TBC1D30: variants seen among roughly 807,000 people sequenced by gnomAD.
TBC1D30 encodes TBC1 domain family, member 30.
A neutral mutation model predicts 63.2 loss-of-function variants in TBC1D30; 31 were observed. The observed-to-expected ratio is 0.49, with a 90% CI of 0.37 to 0.66. The LOEUF (loss-of-function observed/expected upper bound fraction) is 0.66, where lower values mean the gene tolerates loss of function less well. Among genes scored for constraint, TBC1D30 ranks in the 30% least tolerant of loss-of-function variants. The pLI, the probability that TBC1D30 is intolerant of heterozygous loss-of-function variation, is 0.00. For synonymous variants in TBC1D30, 307 were observed against 361.5 expected, an observed-to-expected ratio of 0.85 and a Z score of 1.71; for missense variants, 810 against 953.6, an observed-to-expected ratio of 0.85 and a Z score of 1.98.
Position 64,875,187 on chromosome 12 carries a change from A to G in TBC1D30, c.1685A>G (p.Asn562Ser), listed in dbSNP as rs1235598399. Residue 562 changes from asparagine (N) to serine (S), a missense_variant, in exon 12 of 12, where the codon AAC becomes AGC. By Grantham distance (46) the Asn-to-Ser change is conservative. Coordinates refer to ENST00000539867, the MANE Select transcript of TBC1D30 (RefSeq NM_015279.2). Reference protein sequence around the residue: ...VPYEDLKTKLNSPWRTHIRVH... With the variant: ...VPYEDLKTKLSSPWRTHIRVH... ...TACGAAGACCTTAAGACGAAGCTCA[A>G]CTCCCCGTGGCGAACTCACATCCGA... 3.9e-5 allele frequency: 60 copies of G among 1,536,046 alleles called. No homozygotes were observed. Among genetic ancestry groups the G allele is most frequent in the Admixed American group, 7.8e-5 (4 of 50,966 alleles).
chr12:64,856,535 G>A (rs1208119991), intron 8 of TBC1D30, among the ~76,000 whole-genome samples: 12 of 152,150 alleles, frequency 7.9e-5, no homozygotes, highest in Non-Finnish European at 1.5e-4. Flanking sequence ...TGAAACATGT[G>A]GAGTCTCTTT....
intron 2 of TBC1D30, among the ~76,000 whole-genome samples, chr12:64,797,670 A>G (rs921582625): frequency 2.0e-5 from 3 of 151,598 alleles, no homozygotes; most frequent in South Asian, 2.1e-4. Context: ...TTTACATCCT[A>G]TTTTCTCCCC....
chr12:64,787,232 G>T (rs1347407536), intron 2 of TBC1D30: 1 of 234,180 alleles, frequency 4.3e-6, no homozygotes, highest in Non-Finnish European at 7.0e-6. Context: ...TTGTTAAATT[G>T]CTGATACACA....
intron 2 of TBC1D30, among the ~76,000 whole-genome samples, chr12:64,787,826 A>G (rs550403087): frequency 6.6e-6 from 1 of 152,318 alleles, no homozygotes; most frequent in East Asian, 1.9e-4. Context: ...ACCTGAGGTT[A>G]GGAGTTCGAG....
chr12:64,836,514 G>A lies in TBC1D30; in HGVS notation c.619G>A (p.Val207Ile), dbSNP rs762222975. Residue 207 changes from valine (V) to isoleucine (I), a missense_variant, in exon 6 of 12, where the codon GTA becomes ATA. Around this residue, in one of 4 missense-constraint regions of TBC1D30, gnomAD observed 272 missense variants for 335.9 expected, o/e 0.81. Coordinates refer to ENST00000539867, the MANE Select transcript of TBC1D30 (RefSeq NM_015279.2). ...GATTATGATTTACCTTATTGATAAG[G>A]TACTTCCCGAAAGCTATTTCGTCAA... ...LKIMIYLIDK[V>I]LPESYFVNNL... is the part of the protein sequence containing the mutation. 13 of 1,535,254 alleles carry A rather than the reference G, an allele frequency of 8.5e-6. No individual in the cohort carries two copies. Among genetic ancestry groups the A allele is most frequent in the Non-Finnish European group, 1.1e-5 (13 of 1,146,576 alleles).
Position 64,839,724 on chromosome 12 carries a change from C to T in TBC1D30, c.932+873C>T, listed in dbSNP as rs778376056. Among the ~76,000 whole-genome samples, 62 of 152,060 alleles carry T rather than the reference C, an allele frequency of 4.1e-4. 1 individual carries two copies. Among genetic ancestry groups the T allele is most frequent in the Non-Finnish European group, 1.6e-4 (11 of 68,014 alleles). On this transcript the variant is annotated intron_variant, in intron 7 of 11. Transcript: ENST00000539867. ...TTGCAAAGAAAGATCCACCAACTAT[C>T]GGCCGAGCGCGGTAGCTCACGCCTA... is the stretch of plus-strand genomic sequence containing the variant.
chr12:64,858,273 T>C (rs919842182), intron 8 of TBC1D30, among the ~76,000 whole-genome samples: 2 of 152,234 alleles, frequency 1.3e-5, no homozygotes, highest in African/African-American at 2.4e-5. Flanking sequence ...CTTTTCTTTT[T>C]CAATAAATGT....
At chr12:64,827,783 TA>T in intron 1 of TBC1D30, 51 bp from the exon 2 acceptor site, 1 of 1,240,544 alleles carries the variant, frequency 8.1e-7, no homozygotes, top group Non-Finnish European at 1.1e-6. Context: ...ATTTTTGATA[TA>T]ACTTGTTATA....
rs117898728 is a variant in TBC1D30 at position 64,812,710 on chromosome 12, T to C, written c.644-15125T>C. 6.6e-5 allele frequency among the ~76,000 whole-genome samples: 10 copies of C among 152,228 alleles called. No individual in the cohort carries two copies. The East Asian group carries it at 1.9e-3, about 29-fold the overall frequency. ...TTATGATGTTGGAGAAATAGAACAA[T>C]TGAGAAGAAAATTACTCACTTAAAC... On this transcript the variant is annotated intron_variant, in intron 2 of 12. Transcript: ENST00000542120.
intron 8 of TBC1D30, among the ~76,000 whole-genome samples, chr12:64,863,095 C>T (rs969585868): frequency 1.3e-5 from 2 of 152,164 alleles, no homozygotes; most frequent in African/African-American, 4.8e-5. Context: ...GAGAGTGCTT[C>T]TGACTACATT....
rs1283354441 is a variant in TBC1D30, at chr12:64,804,023, C to T, written c.643+17978C>T. 2.0e-5 allele frequency among the ~76,000 whole-genome samples: 3 copies of T among 152,180 alleles called. No homozygotes were observed. The East Asian group carries it at 5.8e-4, about 29-fold the overall frequency. Reference sequence around the variant, plus strand: ...ATATGAACTTCAAAGTAGTTTTTTTCCAATTCTGTGAAGAAAGTCATTGAT... The same window carrying T: ...ATATGAACTTCAAAGTAGTTTTTTTTCAATTCTGTGAAGAAAGTCATTGAT... On this transcript the variant is annotated intron_variant, in intron 2 of 12. Coordinates refer to the TBC1D30 transcript ENST00000542120.
intron 2 of TBC1D30, among the ~76,000 whole-genome samples, chr12:64,805,432 CTG>C (rs1872804810): frequency 6.6e-6 from 1 of 152,188 alleles, no homozygotes; most frequent in South Asian, 2.1e-4. Flanking sequence ...GCTGTGGGTT[CTG>C]GAGTCCTGAA....
Position 64,878,542 on chromosome 12 carries a change from T to C in TBC1D30, c.*2754T>C, listed in dbSNP as rs756198938. 4.4e-6 allele frequency: 2 copies of C among 456,760 alleles called. No individual in the cohort carries two copies. Among genetic ancestry groups the C allele is most frequent in the Non-Finnish European group, 8.8e-6 (2 of 226,978 alleles). The allele number at this position is 456,760 out of a possible 1,614,324, so 28.3% of individuals were successfully genotyped here. A position where few individuals can be genotyped will look rare whatever the true frequency, so the allele number is the denominator to read the frequency against. On this transcript the variant is annotated 3_prime_UTR_variant, in exon 12 of 12. Coordinates refer to ENST00000539867, the MANE Select transcript of TBC1D30 (RefSeq NM_015279.2). ...ATGTCAGCCTGTGGACTGCAGCTGT[T>C]TGGGACATTGTATTCCTTTGTTTGT...
intron 10 of TBC1D30, chr12:64,868,562 C>T: frequency 3.3e-6 from 1 of 301,668 alleles, no homozygotes; most frequent in Non-Finnish European, 6.3e-6. Context: ...TAAGCTTCCT[C>T]CTTGCCTTTT....
Position 64,870,746 on chromosome 12 carries a change from G to T in TBC1D30, c.1436G>T (p.Arg479Leu), listed in dbSNP as rs192440856. The part of the protein sequence containing the change: ...RMTTDINALK[R>L]QYSRIKKKQQ... ...ACCACAGATATCAATGCACTGAAGCGGCAGTACTCTCGAATTAAAAAGAAG... is the reference window on the plus strand; with the variant it reads ...ACCACAGATATCAATGCACTGAAGCTGCAGTACTCTCGAATTAAAAAGAAG... Residue 479 changes from arginine to leucine, a missense_variant, in exon 11 of 12, where the codon CGG (arginine) becomes CTG (leucine). Transcript: ENST00000539867. 6 of 1,535,882 alleles carry T rather than the reference G, an allele frequency of 3.9e-6. No homozygotes were observed. In the African/African-American group the frequency reaches 8.2e-5, roughly 21 times the overall value.
At position 64,875,226 on chromosome 12, in the gene TBC1D30, A is replaced by G; in HGVS notation, c.1724A>G (p.Asn575Ser). The change falls in exon 12 of 12, where the codon AAC becomes AGC. Residue 575 changes from asparagine (N) to serine (S), a missense_variant. Asn to Ser is a conservative substitution (Grantham distance 46). Transcript: ENST00000539867. ...ACTCACATCCGAGTCCACAAAAAGA[A>G]CATGCCAAGGACCAAGAGTCATCCG... ...WRTHIRVHKKNMPRTKSHPGC... is the reference protein window; with the variant it reads ...WRTHIRVHKKSMPRTKSHPGC... 1.3e-6 allele frequency: 2 copies of G among 1,536,348 alleles called. No homozygotes were observed. The highest frequency in any genetic ancestry group is 8.7e-7 in the Non-Finnish European group (1 of 1,146,920).
intron 1 of TBC1D30, chr12:64,825,735 G>T (rs558978734): frequency 6.6e-6 from 1 of 152,592 alleles, no homozygotes; most frequent in East Asian, 1.9e-4. Context: ...GGGATTTTAA[G>T]AGCCTGGCCC....
chr12:64,813,437 G>T (rs1873340166), intron 2 of TBC1D30, among the ~76,000 whole-genome samples: 1 of 152,018 alleles, frequency 6.6e-6, no homozygotes, highest in Non-Finnish European at 1.5e-5. Flanking sequence ...TATGAAATAG[G>T]CACTTTTGCT....
intron 8 of TBC1D30, among the ~76,000 whole-genome samples, chr12:64,860,694 A>G (rs993565199): frequency 1.3e-5 from 2 of 152,084 alleles, no homozygotes; most frequent in Non-Finnish European, 2.9e-5. Flanking sequence ...GGTTTTCAGA[A>G]AACAAAGAAA....
Sources: gnomAD v4.1 joint callset for allele counts (sites outside exome capture counted in the v4.1 genomes callset) on GRCh38, gnomAD v4.1.1 for gene constraint, gnomAD v4.1.1 regional missense constraint, MANE v1.5 for transcripts, NCBI Gene and HGNC (gene_info 2026-07-23, HGNC 2026-07-21) for gene names.